PPP1R2: variants seen among roughly 807,000 people sequenced by gnomAD.
PPP1R2 encodes the protein protein phosphatase 1 regulatory inhibitor subunit 2.
Under a neutral mutation model 29.9 loss-of-function variants are expected in PPP1R2, and 16 were observed. That is an observed-to-expected ratio of 0.53 (90% CI 0.36 to 0.81). The LOEUF (loss-of-function observed/expected upper bound fraction) is 0.81, where lower values mean the gene tolerates loss of function less well. Ranked by LOEUF, PPP1R2 falls within the 30% of genes least tolerant of loss-of-function variation. The pLI, the probability that PPP1R2 is intolerant of heterozygous loss-of-function variation, is 0.00. For missense variants in PPP1R2, 197 were observed against 252.7 expected (o/e 0.78, Z 1.49); for synonymous variants, 76 against 91.5 (o/e 0.83, Z 0.96).
chr3:195,532,215 CTTTTTTT>C (rs146508182), intron 1 of PPP1R2, among the ~76,000 whole-genome samples: 1 of 120,180 alleles, frequency 8.3e-6, no homozygotes, highest in Non-Finnish European at 1.7e-5. Context: ...TTTTCTTTTT[CTTTTTTT>C]TTTTTTTTTT....
intron 1 of PPP1R2, among the ~76,000 whole-genome samples, chr3:195,530,986 C>T (rs1355735090): frequency 6.6e-6 from 1 of 151,582 alleles, no homozygotes; most frequent in African/African-American, 2.4e-5. Flanking sequence ...CCACACCTGG[C>T]TAATTTTTGT....
In PPP1R2 at chr3:195,524,873, G is replaced by A. The variant is rs754379463; in HGVS notation, c.254C>T (p.Ala85Val). 11 of 1,613,878 alleles carry A rather than the reference G, an allele frequency of 6.8e-6. No homozygotes were observed. The highest frequency in any genetic ancestry group is 7.6e-6 in the Non-Finnish European group (9 of 1,179,980). Reference sequence around the variant, plus strand: ...TTCAGTGGCCTCGGTGTCACTACAGGCATCTTCATCATCCCCCATCATACT... The same window carrying A: ...TTCAGTGGCCTCGGTGTCACTACAGACATCTTCATCATCCCCCATCATACT... ...YHSMMGDDED[A>V]CSDTEATEAM... The change falls in exon 3 of 6, where the codon GCC (alanine) becomes GTC (valine). Residue 85 changes from alanine to valine, a missense_variant. Ala to Val is a moderately conservative substitution (Grantham distance 64). Transcript: ENST00000618156.
Position 195,537,481 on chromosome 3 carries a change from T to TTTTGTGTG in PPP1R2, c.122+5422_122+5423insCACACAAA, listed in dbSNP as rs150119072. The stretch of plus-strand genomic sequence containing the variant: ...ACCAAACCATTGCTAGGATTAGCTA[T>TTTTGTGTG]TGTGTGTGTGTGTGTGTGTGTGTGT... On this transcript the variant is annotated intron_variant, in intron 1 of 5. Coordinates refer to ENST00000618156, the MANE Select transcript of PPP1R2 (RefSeq NM_006241.8). Among the ~76,000 whole-genome samples, 507 of 128,556 alleles carry TTTTGTGTG rather than the reference T, an allele frequency of 3.9e-3. 6 individuals are homozygous for TTTTGTGTG. The highest frequency in any genetic ancestry group is 5.7e-3 in the Non-Finnish European group (350 of 61,640). 84.3% of individuals were successfully genotyped at this position (128,556 alleles called of 152,430 possible).
chr3:195,522,471 G>C (rs370188028), intron 4 of PPP1R2, among the ~76,000 whole-genome samples: 1 of 152,114 alleles, frequency 6.6e-6, no homozygotes, highest in Non-Finnish European at 1.5e-5. Flanking sequence ...ATCACAACTT[G>C]AGAAAAACAT....
chr3:195,519,214 A>C, intron 4 of PPP1R2, 29 bp from the exon 5 acceptor site: 1 of 1,526,084 alleles, frequency 6.6e-7, no homozygotes, highest in Middle Eastern at 1.7e-4. Flanking sequence ...AAACTTAGGA[A>C]GTTTGAGCTC....
At chr3:195,535,716 G>A (rs952708981) in intron 1 of PPP1R2, among the ~76,000 whole-genome samples, 3 of 152,184 alleles carry the variant, frequency 2.0e-5, no homozygotes, top group Admixed American at 6.5e-5. Context: ...TAGACAATCT[G>A]ACCAAGAGTT....
intron 1 of PPP1R2, among the ~76,000 whole-genome samples, chr3:195,537,076 A>G (rs570596780): frequency 6.6e-6 from 1 of 152,084 alleles, no homozygotes; most frequent in African/African-American, 2.4e-5. Context: ...CCCTTTGTAT[A>G]ATACATATAA....
At chr3:195,535,046 G>A (rs777912480) in intron 1 of PPP1R2, among the ~76,000 whole-genome samples, 27 of 152,104 alleles carry the variant, frequency 1.8e-4, no homozygotes, top group African/African-American at 6.5e-4. Flanking sequence ...GGCACTCTAC[G>A]CAGTGGTCCC....
At chr3:195,523,569 G>C (rs758840578) in intron 4 of PPP1R2, 123 bp downstream of exon 4, 11 of 709,298 alleles carry the variant, frequency 1.6e-5, no homozygotes, top group Non-Finnish European at 2.5e-5. Flanking sequence ...TAAAGATGTT[G>C]CTTTCATTCT....
chr3:195,525,829 G>C (rs1718950339), intron 2 of PPP1R2, among the ~76,000 whole-genome samples: 1 of 152,118 alleles, frequency 6.6e-6, no homozygotes, highest in Admixed American at 6.5e-5. Context: ...GTTAATTAAG[G>C]TGACAAGTAA....
chr3:195,537,830 T>C (rs994277887), intron 1 of PPP1R2, among the ~76,000 whole-genome samples: 1 of 151,980 alleles, frequency 6.6e-6, no homozygotes, highest in Admixed American at 6.6e-5. Context: ...AAGACAACAA[T>C]AGCTTGCAAA....
rs111444222 is a variant in PPP1R2, at chr3:195,516,057, G to C, written c.*839C>G. On this transcript the variant is annotated 3_prime_UTR_variant, in exon 6 of 6. Coordinates refer to ENST00000618156, the MANE Select transcript of PPP1R2 (RefSeq NM_006241.8). ...CTTTAAAAGGTAGAAGATTGTGTGC[G>C]TATGTGTGGAAAGGAGTAGGAAAGA... is the stretch of plus-strand genomic sequence containing the variant. The C allele has an allele frequency of 3.3e-5, 5 of 152,228 alleles. No homozygotes were observed. The South Asian group carries it at 8.3e-4, about 25-fold the overall frequency. The allele number at this position is 152,228 out of a possible 1,614,324, so 9.4% of individuals were successfully genotyped here.
chr3:195,532,678 T>C (rs1483557567), intron 1 of PPP1R2, among the ~76,000 whole-genome samples: 1 of 152,210 alleles, frequency 6.6e-6, no homozygotes, highest in Admixed American at 6.5e-5. Flanking sequence ...GAGTTTGAAC[T>C]GTGTGGGTCC....
At chr3:195,534,558 C>A (rs918793329) in intron 1 of PPP1R2, among the ~76,000 whole-genome samples, 2 of 152,174 alleles carry the variant, frequency 1.3e-5, no homozygotes, top group African/African-American at 4.8e-5. Flanking sequence ...AAGCTGCTAA[C>A]CCCGGAGCCT....
Position 195,529,812 on chromosome 3 carries a change from G to A in PPP1R2, c.212C>T (p.Pro71Leu). 6.2e-7 allele frequency: 1 copy of A among 1,603,952 alleles called. No homozygotes were observed. The highest frequency in any genetic ancestry group is 8.5e-7 in the Non-Finnish European group (1 of 1,175,850). ...ACATTACCTATGGTAAGGAGTGCTT[G>A]GTTCATCTATTTTCATTAAACCATA... Reference protein sequence around the residue: ...KDYGLMKIDEPSTPYHSMMGD... With the variant: ...KDYGLMKIDELSTPYHSMMGD... The change falls in exon 2 of 6, where the codon CCA becomes CTA. Residue 71 changes from proline to leucine, a missense_variant. Transcript: ENST00000618156.
At chr3:195,528,544 A>C (rs1421262050) in intron 2 of PPP1R2, among the ~76,000 whole-genome samples, 2 of 152,114 alleles carry the variant, frequency 1.3e-5, no homozygotes, top group African/African-American at 4.8e-5. Flanking sequence ...AAAATACAGT[A>C]GTTCTTAACT....
rs140049026 is a variant in PPP1R2 at position 195,522,756 on chromosome 3, G to A, written c.403+936C>T. 9.1e-3 allele frequency among the ~76,000 whole-genome samples: 1,380 copies of A among 152,270 alleles called. 20 individuals are homozygous for A. Among genetic ancestry groups the A allele is most frequent in the African/African-American group, 0.032 (1,310 of 41,542 alleles). On this transcript the variant is annotated intron_variant, in intron 4 of 5. Transcript: ENST00000618156. ...ACAGGCTATATTCTGAAGATGATAG[G>A]AAAGACTAGTAAATGATATCTTAGC...
At chr3:195,522,210 C>G (rs975902846) in intron 4 of PPP1R2, among the ~76,000 whole-genome samples, 1 of 152,092 alleles carries the variant, frequency 6.6e-6, no homozygotes, top group Non-Finnish European at 1.5e-5. Context: ...AACGGAGGCT[C>G]GGAGAAATTA....
intron 1 of PPP1R2, among the ~76,000 whole-genome samples, chr3:195,541,475 T>C (rs2108957103): frequency 6.7e-6 from 1 of 148,564 alleles, no homozygotes; most frequent in East Asian, 1.9e-4. Context: ...TTTTTTTTTT[T>C]TTTAAGAGAT....
Sources: gnomAD v4.1 joint callset for allele counts (sites outside exome capture counted in the v4.1 genomes callset) on GRCh38, gnomAD v4.1.1 for gene constraint, MANE v1.5 for transcripts, NCBI Gene and HGNC (gene_info 2026-07-23, HGNC 2026-07-21) for gene names.